CBLN2: variants seen among roughly 807,000 people sequenced by gnomAD.
CBLN2 encodes cerebellin-2.
Under a neutral mutation model 15.0 loss-of-function variants are expected in CBLN2, and 7 were observed. The observed-to-expected ratio is 0.47, with a 90% confidence interval of 0.27 to 0.88. The LOEUF (loss-of-function observed/expected upper bound fraction) is 0.88, where lower values mean the gene tolerates loss of function less well. Among genes scored for constraint, CBLN2 ranks in the 40% least tolerant of loss-of-function variants. CBLN2 has a pLI of 0.14. For missense variants in CBLN2, 242 were observed against 304.5 expected (o/e 0.79, Z 1.53); for synonymous variants, 149 against 135.2 (o/e 1.10, Z -0.71).
chr18:72,550,405 A>G (rs1285738570), intron 1 of CBLN2, among the ~76,000 whole-genome samples: 1 of 152,220 alleles, frequency 6.6e-6, no homozygotes, highest in Non-Finnish European at 1.5e-5. Context: ...ATGAATCAAA[A>G]TGCAGGAAGG....
chr18:72,563,651 C>T (rs2069275683), intron 1 of CBLN2, among the ~76,000 whole-genome samples: 1 of 152,226 alleles, frequency 6.6e-6, no homozygotes, highest in South Asian at 2.1e-4. Context: ...AAGTGCACCA[C>T]CCACAATTCA....
chr18:72,591,341 T>C (rs2069478426), intron 1 of CBLN2, among the ~76,000 whole-genome samples: 1 of 152,158 alleles, frequency 6.6e-6, no homozygotes, highest in African/African-American at 2.4e-5. Context: ...ATATTATTGC[T>C]TTGCATAACT....
intron 1 of CBLN2, among the ~76,000 whole-genome samples, chr18:72,551,285 G>T (rs1191631822): frequency 4.6e-5 from 7 of 152,156 alleles, no homozygotes; most frequent in Non-Finnish European, 1.0e-4. Context: ...AGAGAAAATT[G>T]TTGTTTAGTT....
rs779514783 is a variant in CBLN2 at position 72,538,194 on chromosome 18, G to A, written c.657C>T (p.Phe219=). ...TCTGTGTTTATAGAGGAAACACCAA[G>A]AAGCCCGAGAATGTGGAGTATTTCC... ...GGWKYSTFSG[F]LVFPL Residue 219 remains phenylalanine, a synonymous_variant, in exon 5 of 5, where the codon TTC becomes TTT. Transcript: ENST00000269503. 2 of 1,614,108 alleles carry A rather than the reference G, an allele frequency of 1.2e-6. No homozygotes were observed. The highest frequency in any genetic ancestry group is 8.5e-7 in the Non-Finnish European group (1 of 1,180,016).
At chr18:72,623,646 C>A (rs2069715722) in intron 1 of CBLN2, among the ~76,000 whole-genome samples, 1 of 152,014 alleles carries the variant, frequency 6.6e-6, no homozygotes, top group African/African-American at 2.4e-5. Flanking sequence ...CCTGAGTTTG[C>A]CCTGGACAAG....
At chr18:72,560,654 G>A (rs780690126) in intron 1 of CBLN2, among the ~76,000 whole-genome samples, 9 of 152,168 alleles carry the variant, frequency 5.9e-5, no homozygotes, top group African/African-American at 2.2e-4. Flanking sequence ...GAAAAAGTTC[G>A]CTGATCTCTA....
chr18:72,570,262 G>A (rs7236978), intron 1 of CBLN2, among the ~76,000 whole-genome samples: 1 of 149,906 alleles, frequency 6.7e-6, no homozygotes, highest in African/African-American at 2.5e-5. Flanking sequence ...CAACAGCACT[G>A]TTTTCTTCCT....
Position 72,537,958 on chromosome 18 carries a change from A to G in CBLN2, c.*218T>C. The G allele has an allele frequency of 1.7e-6, 1 of 591,420 alleles. No homozygotes were observed. The allele number at this position is 591,420 out of a possible 1,614,324, so 36.6% of individuals were successfully genotyped here. The stretch of plus-strand genomic sequence containing the variant: ...TTTCATTTCTCCTTAAGACCTTGTC[A>G]TCTAAAACTAATTAGAGGCCAGGTT... On this transcript the variant is annotated 3_prime_UTR_variant, in exon 5 of 5. Coordinates refer to ENST00000269503, the MANE Select transcript of CBLN2 (RefSeq NM_182511.4).
chr18:72,592,707 A>G (rs758293713), intron 1 of CBLN2, among the ~76,000 whole-genome samples: 7 of 152,140 alleles, frequency 4.6e-5, no homozygotes, highest in Non-Finnish European at 8.8e-5. Context: ...ACTCTTCTGC[A>G]TACGGTTATC....
intron 1 of CBLN2, among the ~76,000 whole-genome samples, chr18:72,634,851 T>C (rs1160080942): frequency 6.6e-6 from 1 of 152,220 alleles, no homozygotes; most frequent in Non-Finnish European, 1.5e-5. Flanking sequence ...TCTGCAAGCA[T>C]GTTTGCTTTT....
At chr18:72,614,143 A>C (rs2069641610) in intron 1 of CBLN2, among the ~76,000 whole-genome samples, 1 of 152,210 alleles carries the variant, frequency 6.6e-6, no homozygotes, top group African/African-American at 2.4e-5. Context: ...TCAGCTATGA[A>C]TGAGCTTTAC....
At chr18:72,618,848 AT>A (rs1313663285) in intron 1 of CBLN2, 9 of 732,644 alleles carry the variant, frequency 1.2e-5, no homozygotes, top group Admixed American at 5.2e-5. Context: ...AGCCAAAGAG[AT>A]TGAAGTGGTT....
At chr18:72,618,585 A>G (rs2069678569) in intron 1 of CBLN2, 8 of 897,332 alleles carry the variant, frequency 8.9e-6, no homozygotes, top group Non-Finnish European at 9.0e-6. Context: ...TGAAAAGTAT[A>G]CGTGTTGGTG....
intron 1 of CBLN2, among the ~76,000 whole-genome samples, chr18:72,556,479 A>G (rs1285160171): frequency 6.6e-6 from 1 of 152,204 alleles, no homozygotes; most frequent in Admixed American, 6.5e-5. Context: ...CACAGATAGA[A>G]AGAAAGAGAA....
chr18:72,608,794 G>A (rs1290032288), intron 1 of CBLN2, among the ~76,000 whole-genome samples: 1 of 152,184 alleles, frequency 6.6e-6, no homozygotes, highest in Non-Finnish European at 1.5e-5. Context: ...AACCTATAAA[G>A]GAAAGAGGTT....
At position 72,542,317 on chromosome 18, in the gene CBLN2, G is replaced by T. The variant is rs577509405; in HGVS notation, c.-157C>A. The T allele has an allele frequency of 1.3e-3, 440 of 350,420 alleles. 4 individuals carry two copies. Among genetic ancestry groups the T allele is most frequent in the African/African-American group, 9.2e-3 (418 of 45,644 alleles). The allele number at this position is 350,420 out of a possible 1,614,324, so 21.7% of individuals were successfully genotyped here. ...CCAGGGTCGTTCTCAGAAGAAAGGC[G>T]CCTGTGAACCTGTCAGGGCACAGAA... On this transcript the variant is annotated 5_prime_UTR_variant, in exon 3 of 5. Coordinates refer to ENST00000269503, the MANE Select transcript of CBLN2 (RefSeq NM_182511.4).
chr18:72,624,829 C>T (rs976811311), intron 1 of CBLN2, among the ~76,000 whole-genome samples: 3 of 152,168 alleles, frequency 2.0e-5, no homozygotes, highest in African/African-American at 7.2e-5. Context: ...TTTTACTTTA[C>T]ATACTATTTA....
rs1276721049 is a variant in CBLN2 at position 72,537,470 on chromosome 18, A to G, written c.*706T>C. Reference sequence around the variant, plus strand: ...ATTTTCTCTCCTCAACCCCAGCAAGAAAAATAAAAGTGGGGTTGAGGAGGG... The same window carrying G: ...ATTTTCTCTCCTCAACCCCAGCAAGGAAAATAAAAGTGGGGTTGAGGAGGG... On this transcript the variant is annotated 3_prime_UTR_variant, in exon 5 of 5. Coordinates refer to ENST00000269503, the MANE Select transcript of CBLN2 (RefSeq NM_182511.4). The G allele has an allele frequency of 6.6e-6, 1 of 152,594 alleles. No homozygotes were observed. Among genetic ancestry groups the G allele is most frequent in the Admixed American group, 6.5e-5 (1 of 15,278 alleles). 9.5% of individuals were successfully genotyped at this position (152,594 alleles called of 1,614,324 possible). A position where few individuals can be genotyped will look rare whatever the true frequency, so the allele number is the denominator to read the frequency against.
intron 1 of CBLN2, among the ~76,000 whole-genome samples, chr18:72,575,819 T>TGA (rs74739442): frequency 0.97 from 146,962 of 152,106 alleles, 71,143 homozygotes; most frequent in Non-Finnish European, 1. Flanking sequence ...CCTGATTGGC[T>TGA]GAGTAATCAT....
Sources: allele counts gnomAD v4.1 joint callset (sites outside exome capture counted in the v4.1 genomes callset), GRCh38; gene constraint gnomAD v4.1.1; transcripts MANE v1.5; gene names NCBI Gene and HGNC (gene_info 2026-07-23, HGNC 2026-07-21).